Variants in NRXN1 observed in about 807,000 individuals in gnomAD.
NRXN1 encodes neurexin-1.
Under a neutral mutation model 150.9 loss-of-function variants are expected in NRXN1, and 39 were observed. That is an observed-to-expected ratio of 0.26 (90% CI 0.20 to 0.34). The LOEUF (loss-of-function observed/expected upper bound fraction) is 0.34. Ranked by LOEUF, NRXN1 falls within the 10% of genes least tolerant of loss-of-function variation. The probability of loss-of-function intolerance (pLI) is 1.00; values close to 1 mark genes in which losing one functional copy is unlikely to be tolerated. For synonymous variants in NRXN1, 924 were observed against 757.0 expected (o/e 1.22, Z -3.62); for missense variants, 1,815 against 1,949.9 (o/e 0.93, Z 1.30).
At chr2:50,715,593 A>G (rs570714987) in intron 5 of NRXN1, among the ~76,000 whole-genome samples, 6 of 152,308 alleles carry the variant, frequency 3.9e-5, no homozygotes, top group South Asian at 2.1e-4. Flanking sequence ...AATTTCCCAG[A>G]TATCTTTAAA....
At chr2:50,839,937 T>G (rs1475878032) in intron 5 of NRXN1, among the ~76,000 whole-genome samples, 1 of 152,152 alleles carries the variant, frequency 6.6e-6, no homozygotes, top group Non-Finnish European at 1.5e-5. Flanking sequence ...ATTTGACACT[T>G]GAGCAAAATA....
At chr2:50,461,049 A>G (rs1179992161) in intron 17 of NRXN1, among the ~76,000 whole-genome samples, 1 of 152,084 alleles carries the variant, frequency 6.6e-6, no homozygotes, top group Non-Finnish European at 1.5e-5. Context: ...CACTTCCATT[A>G]GTTCATATAT....
At position 50,497,627 on chromosome 2, in the gene NRXN1, G is replaced by A. The variant is rs776749848; in HGVS notation, c.2585C>T (p.Pro862Leu). 2.5e-6 allele frequency: 4 copies of A among 1,613,864 alleles called. No homozygotes were observed. Among genetic ancestry groups the A allele is most frequent in the Admixed American group, 3.3e-5 (2 of 60,008 alleles). Residue 862 changes from proline (P) to leucine (L), a missense_variant, in exon 14 of 23, where the codon CCC (proline) becomes CTC (leucine). Physicochemically the swap from Pro to Leu is moderately conservative, Grantham distance 98. Coordinates refer to ENST00000401669, the MANE Select transcript of NRXN1 (RefSeq NM_001330078.2). Reference sequence around the variant, plus strand: ...CTGCAGGTGTCCAATGAAGTTGGAGGGGACAGAAGAAAGATACCGTCGTTC... The same window carrying A: ...CTGCAGGTGTCCAATGAAGTTGGAGAGGACAGAAGAAAGATACCGTCGTTC... ...ITERRYLSSV[P>L]SNFIGHLQSL... is the part of the protein sequence containing the mutation.
chr2:50,810,311 A>C (rs572635316), intron 5 of NRXN1, among the ~76,000 whole-genome samples: 2 of 152,314 alleles, frequency 1.3e-5, no homozygotes, highest in South Asian at 4.1e-4. Context: ...AAACCTTTCA[A>C]AATCTGTTTT....
chr2:50,104,981 G>A (rs1224632055), intron 18 of NRXN1, among the ~76,000 whole-genome samples: 2 of 152,032 alleles, frequency 1.3e-5, no homozygotes, highest in African/African-American at 4.8e-5. Flanking sequence ...TGTTGAGGAT[G>A]TTTAAAACTC....
intron 9 of NRXN1, among the ~76,000 whole-genome samples, chr2:50,545,042 T>C (rs1469478419): frequency 5.3e-5 from 8 of 152,156 alleles, no homozygotes; most frequent in African/African-American, 1.9e-4. Context: ...TTTATAGATA[T>C]ATTGATGCCT....
At chr2:50,462,004 A>C (rs2104616770) in intron 17 of NRXN1, among the ~76,000 whole-genome samples, 1 of 152,082 alleles carries the variant, frequency 6.6e-6, no homozygotes, top group South Asian at 2.1e-4. Flanking sequence ...GCAACAGATA[A>C]GTATGAACAT....
chr2:50,494,666 C>A (rs999145749), intron 15 of NRXN1, among the ~76,000 whole-genome samples: 2 of 152,194 alleles, frequency 1.3e-5, no homozygotes, highest in African/African-American at 4.8e-5. Flanking sequence ...AAAATATATT[C>A]TGCAATTACA....
intron 18 of NRXN1, among the ~76,000 whole-genome samples, chr2:50,162,795 A>G (rs907785304): frequency 3.3e-5 from 5 of 152,122 alleles, no homozygotes; most frequent in Admixed American, 2.0e-4. Flanking sequence ...TTGTAAAAAT[A>G]TACTTTACAG....
chr2:50,302,342 A>G (rs2074232042), intron 17 of NRXN1, among the ~76,000 whole-genome samples: 1 of 152,200 alleles, frequency 6.6e-6, no homozygotes, highest in Non-Finnish European at 1.5e-5. Context: ...ACCAAGAGCC[A>G]TAGGGCTTTT....
intron 5 of NRXN1, among the ~76,000 whole-genome samples, chr2:50,720,241 G>A (rs560897991): frequency 6.6e-6 from 1 of 151,778 alleles, no homozygotes; most frequent in Admixed American, 6.6e-5. Context: ...AGTTACAATG[G>A]GAAACTTCAT....
chr2:50,096,271 T>C (rs906474904), intron 18 of NRXN1, among the ~76,000 whole-genome samples: 1 of 152,066 alleles, frequency 6.6e-6, no homozygotes. Flanking sequence ...AAAATACACA[T>C]AAAGCACAAA....
chr2:50,092,523 A>G (rs1699726681), intron 18 of NRXN1, among the ~76,000 whole-genome samples: 2 of 152,194 alleles, frequency 1.3e-5, no homozygotes, highest in Non-Finnish European at 2.9e-5. Context: ...CGGAGGAAGA[A>G]GGGTTTAAAG....
At chr2:50,581,537 A>G (rs987775938) in intron 8 of NRXN1, among the ~76,000 whole-genome samples, 1 of 152,212 alleles carries the variant, frequency 6.6e-6, no homozygotes, top group African/African-American at 2.4e-5. Context: ...CTTTGCAACC[A>G]ATAAGTATGG....
At chr2:50,206,013 C>T (rs1027569756) in intron 18 of NRXN1, among the ~76,000 whole-genome samples, 5 of 151,780 alleles carry the variant, frequency 3.3e-5, no homozygotes, top group Admixed American at 2.0e-4. Flanking sequence ...TGCACAACTC[C>T]GTGAATATAC....
intron 18 of NRXN1, among the ~76,000 whole-genome samples, chr2:50,179,009 A>G (rs758576005): frequency 3.3e-5 from 5 of 152,046 alleles, no homozygotes; most frequent in Admixed American, 3.3e-4. Flanking sequence ...TAATTGTAAT[A>G]AAAAAGAAAA....
chr2:50,473,572 T>C (rs1253469005), intron 15 of NRXN1, among the ~76,000 whole-genome samples: 3 of 152,048 alleles, frequency 2.0e-5, no homozygotes, highest in Non-Finnish European at 2.9e-5. Flanking sequence ...TTTATCTACT[T>C]CTTCAACTTT....
At chr2:50,445,049 T>G (rs577528537) in intron 17 of NRXN1, among the ~76,000 whole-genome samples, 15 of 152,300 alleles carry the variant, frequency 9.8e-5, no homozygotes, top group African/African-American at 3.6e-4. Flanking sequence ...AACTTGTTCC[T>G]GCTGCCATAA....
At chr2:50,681,070 A>G (rs951327882) in intron 5 of NRXN1, among the ~76,000 whole-genome samples, 56 of 152,342 alleles carry the variant, frequency 3.7e-4, no homozygotes, top group African/African-American at 1.3e-3. Flanking sequence ...TTATTCATCT[A>G]CCAACAGCCA....
Sources: gnomAD v4.1 joint callset for allele counts (sites outside exome capture counted in the v4.1 genomes callset) on GRCh38, gnomAD v4.1.1 for gene constraint, MANE v1.5 for transcripts, NCBI Gene and HGNC (gene_info 2026-07-23, HGNC 2026-07-21) for gene names.